The following WNT8B variants were observed in gnomAD, a reference collection of about 807,000 sequenced individuals.
The protein encoded by WNT8B is Wnt family member 8B.
In WNT8B, 24 loss-of-function variants were observed where a neutral mutation model predicts 36.6. That is an observed-to-expected ratio of 0.66 (90% CI 0.48 to 0.92). WNT8B has a LOEUF of 0.92. Ranked by LOEUF, WNT8B falls within the 40% of genes least tolerant of loss-of-function variation. WNT8B has a pLI of 0.00. For missense variants in WNT8B, 402 were observed against 470.8 expected (o/e 0.85, Z 1.35); for synonymous variants, 199 against 189.8 (o/e 1.05, Z -0.40).
At chr10:100,472,001 C>A (rs1016677881) in intron 1 of WNT8B, among the ~76,000 whole-genome samples, 4 of 151,856 alleles carry the variant, frequency 2.6e-5, no homozygotes, top group African/African-American at 9.7e-5. Context: ...TCAAGACCAG[C>A]CTGGCCAACA....
rs767221384 is a variant in WNT8B at position 100,479,863 on chromosome 10, T to C, written c.103-11T>C. The C allele has an allele frequency of 3.7e-6, 6 of 1,613,648 alleles. No homozygotes were observed. Among genetic ancestry groups the C allele is most frequent in the Non-Finnish European group, 4.2e-6 (5 of 1,179,786 alleles). Reference sequence around the variant, plus strand: ...AGTTCAGTCTGAATTTTTACCCCTATGTCCCTACAGGCTTACCTGATTTAC... The same window carrying C: ...AGTTCAGTCTGAATTTTTACCCCTACGTCCCTACAGGCTTACCTGATTTAC... On this transcript the variant is annotated splice_polypyrimidine_tract_variant and intron_variant, in intron 2 of 5. Coordinates refer to ENST00000343737, the MANE Select transcript of WNT8B (RefSeq NM_003393.4).
At chr10:100,480,053 C>T (rs568647110) in intron 3 of WNT8B, 41 bp downstream of exon 3, 4 of 1,605,354 alleles carry the variant, frequency 2.5e-6, no homozygotes, top group Non-Finnish European at 3.4e-6. Context: ...ACCCTCTGGT[C>T]ACAGGTTAGA....
At chr10:100,481,488 T>C (rs1564645427) in intron 4 of WNT8B, among the ~76,000 whole-genome samples, 1 of 152,214 alleles carries the variant, frequency 6.6e-6, no homozygotes, top group Non-Finnish European at 1.5e-5. Context: ...CCTGACCAAT[T>C]TCCAACATCG....
At chr10:100,481,422 TC>T (rs777403337) in intron 4 of WNT8B, among the ~76,000 whole-genome samples, 28 of 152,304 alleles carry the variant, frequency 1.8e-4, no homozygotes, top group Non-Finnish European at 3.1e-4. Flanking sequence ...GTGTTGCCTA[TC>T]CCCGTCTACT....
Position 100,479,974 on chromosome 10 carries a change from G to A in WNT8B, c.203G>A (p.Arg68Lys). ...FAWDRWNCPE[R>K]ALQLSSHGGL... ...TGGGACCGCTGGAACTGCCCTGAGA[G>A]AGCCCTGCAGCTGTCCAGCCATGGT... Residue 68 changes from arginine to lysine, a missense_variant, in exon 3 of 6, where the codon AGA (arginine) becomes AAA (lysine). By Grantham distance (26) the Arg-to-Lys change is conservative. This residue lies in a region of WNT8B where 131 missense variants were observed against 152.6 expected (regional missense o/e 0.86). Coordinates refer to ENST00000343737, the MANE Select transcript of WNT8B (RefSeq NM_003393.4). 7 of 1,613,872 alleles carry A rather than the reference G, an allele frequency of 4.3e-6. No individual in the cohort carries two copies. Among genetic ancestry groups the A allele is most frequent in the Non-Finnish European group, 5.9e-6 (7 of 1,179,900 alleles).
chr10:100,463,629 C>A (rs1324291709), intron 1 of WNT8B, among the ~76,000 whole-genome samples: 1 of 151,930 alleles, frequency 6.6e-6, no homozygotes, highest in African/African-American at 2.4e-5. Context: ...AGACAAAATT[C>A]AATGGGATCT....
intron 1 of WNT8B, among the ~76,000 whole-genome samples, chr10:100,468,348 T>TTC (rs1249000532): frequency 6.6e-6 from 1 of 152,228 alleles, no homozygotes; most frequent in Admixed American, 6.5e-5. Context: ...CTGGTATTGT[T>TTC]TCCATCGATG....
intron 2 of WNT8B, 112 bp downstream of exon 2, chr10:100,479,197 A>T: frequency 9.9e-7 from 1 of 1,005,922 alleles, no homozygotes; most frequent in Non-Finnish European, 1.4e-6. Context: ...TGCTGTATAC[A>T]TTACAGATAG....
At chr10:100,468,985 T>C (rs946723520) in intron 1 of WNT8B, among the ~76,000 whole-genome samples, 7 of 152,240 alleles carry the variant, frequency 4.6e-5, no homozygotes, top group African/African-American at 1.7e-4. Context: ...AGACTTGTTT[T>C]CTCTTTTCAT....
chr10:100,479,790 G>T (rs1218881607), intron 2 of WNT8B, 84 bp from the exon 3 acceptor site: 5 of 1,525,928 alleles, frequency 3.3e-6, no homozygotes, highest in Non-Finnish European at 4.4e-6. Flanking sequence ...GGATGGGAGA[G>T]TGAGCAGGAA....
chr10:100,482,042 G>C lies in WNT8B; in HGVS notation c.498G>C (p.Glu166Asp). Residue 166 changes from glutamate (E) to aspartate (D), a missense_variant, in exon 5 of 6, where the codon GAG (glutamate) becomes GAC (aspartate). Coordinates refer to ENST00000343737, the MANE Select transcript of WNT8B (RefSeq NM_003393.4). This position sits in a 1 kb window ranked among gnomAD's most constrained non-coding sequence, Gnocchi z 6.6. ...ARAAMNLHNN[E>D]AGRKAVKGTM... The stretch of plus-strand genomic sequence containing the variant: ...CAGCCATGAACCTGCACAACAACGA[G>C]GCTGGCCGCAAGGTGAGTCCCGCAG... 6.2e-7 allele frequency: 1 copy of C among 1,614,180 alleles called. No individual in the cohort carries two copies. Among genetic ancestry groups the C allele is most frequent in the South Asian group, 1.1e-5 (1 of 91,086 alleles).
chr10:100,476,322 A>C (rs1851037977), intron 1 of WNT8B, among the ~76,000 whole-genome samples: 1 of 151,910 alleles, frequency 6.6e-6, no homozygotes, highest in African/African-American at 2.4e-5. Context: ...AATAGGCCTT[A>C]GTTTTGATAG....
chr10:100,470,243 A>G (rs1374877948), intron 1 of WNT8B, among the ~76,000 whole-genome samples: 1 of 152,116 alleles, frequency 6.6e-6, no homozygotes, highest in Non-Finnish European at 1.5e-5. Context: ...TTCCCACTTC[A>G]GCCTCCTGAG....
Position 100,479,978 on chromosome 10 carries a change from C to A in WNT8B, c.207C>A (p.Ala69=). The change falls in exon 3 of 6, where the codon GCC becomes GCA. Residue 69 remains alanine (A), a synonymous_variant. Coordinates refer to ENST00000343737, the MANE Select transcript of WNT8B (RefSeq NM_003393.4). ...ACCGCTGGAACTGCCCTGAGAGAGC[C>A]CTGCAGCTGTCCAGCCATGGTGGGC... ...AWDRWNCPER[A]LQLSSHGGLR... 1 of 1,613,768 alleles carries A rather than the reference C, an allele frequency of 6.2e-7. No individual in the cohort carries two copies.
chr10:100,474,901 A>G (rs1415687488), intron 1 of WNT8B, among the ~76,000 whole-genome samples: 1 of 151,996 alleles, frequency 6.6e-6, no homozygotes, highest in Non-Finnish European at 1.5e-5. Flanking sequence ...GATATGAACA[A>G]GCTAGCCATA....
At chr10:100,481,640 G>C (rs1851112878) in intron 4 of WNT8B, among the ~76,000 whole-genome samples, 2 of 152,196 alleles carry the variant, frequency 1.3e-5, no homozygotes, top group Non-Finnish European at 2.9e-5. Context: ...GGCACTGTTG[G>C]CAGAGGAGTG....
At chr10:100,481,518 T>C (rs867295241) in intron 4 of WNT8B, among the ~76,000 whole-genome samples, 5 of 152,202 alleles carry the variant, frequency 3.3e-5, no homozygotes, top group African/African-American at 1.2e-4. Flanking sequence ...ATTTCAATTG[T>C]ACCCCTCTTT....
chr10:100,463,737 T>G lies in WNT8B; in HGVS notation c.68+501T>G, dbSNP rs140966758. Among the ~76,000 whole-genome samples the G allele has an allele frequency of 6.4e-3, 979 of 152,274 alleles. 3 individuals are homozygous for G. Among genetic ancestry groups the G allele is most frequent in the Non-Finnish European group, 9.6e-3 (651 of 68,004 alleles). On this transcript the variant is annotated intron_variant, in intron 1 of 5. Transcript: ENST00000343737. ...ACATAAAAAATTTTATTTGAACCAC[T>G]AAGCAGGCATTGGGTTAACAAACAT...
chr10:100,472,388 A>G (rs1850989659), intron 1 of WNT8B, among the ~76,000 whole-genome samples: 1 of 152,004 alleles, frequency 6.6e-6, no homozygotes, highest in African/African-American at 2.4e-5. Flanking sequence ...ATGAGCCACC[A>G]CACCTGGCCG....
Sources: allele counts gnomAD v4.1 joint callset (sites outside exome capture counted in the v4.1 genomes callset), GRCh38; gene constraint gnomAD v4.1.1; regional missense constraint gnomAD v4.1.1; non-coding constraint Gnocchi (gnomAD v3.1); transcripts MANE v1.5; gene names NCBI Gene and HGNC (gene_info 2026-07-23, HGNC 2026-07-21).